The following PIN4 variants were observed in gnomAD, a reference collection of about 807,000 sequenced individuals.
PIN4 encodes the protein peptidylprolyl cis/trans isomerase, NIMA-interacting 4.
A neutral mutation model predicts 8.3 loss-of-function variants in PIN4; 3 were observed. The observed-to-expected ratio is 0.36, with a 90% confidence interval of 0.16 to 0.93. PIN4 has a LOEUF of 0.93. Among genes scored for constraint, PIN4 ranks in the 40% least tolerant of loss-of-function variants. The pLI is 0.44. For missense variants in PIN4, 75 were observed against 100.6 expected (o/e 0.75, Z 1.09); for synonymous variants, 18 against 32.5 (o/e 0.55, Z 1.52).
intron 3 of PIN4, among the ~76,000 whole-genome samples, chrX:72,236,659 C>G (rs1444784602): frequency 8.9e-6 from 1 of 112,046 alleles, no homozygotes; most frequent in Non-Finnish European, 1.9e-5. Flanking sequence ...TTTATATGTA[C>G]AGTAAGTCCT....
At chrX:72,225,226 C>T (rs1305668407) in intron 3 of PIN4, among the ~76,000 whole-genome samples, 2 of 111,915 alleles carry the variant, frequency 1.8e-5, no homozygotes, top group African/African-American at 6.5e-5. Flanking sequence ...TAGACCGACC[C>T]TGACATAGGC....
At chrX:72,217,881 T>C (rs1188777926) in intron 3 of PIN4, among the ~76,000 whole-genome samples, 2 of 112,164 alleles carry the variant, frequency 1.8e-5, no homozygotes, top group African/African-American at 6.5e-5. Flanking sequence ...CTTATGCAAG[T>C]ACCACACTGT....
chrX:72,206,513 G>C, intron 3 of PIN4: 3 of 1,211,392 alleles, frequency 2.5e-6, no homozygotes, highest in Non-Finnish European at 3.4e-6. Context: ...GAAGGCTGAG[G>C]CTGTGGTTTA....
intron 3 of PIN4, among the ~76,000 whole-genome samples, chrX:72,241,805 G>A (rs1422304564): frequency 1.1e-5 from 1 of 91,275 alleles, no homozygotes; most frequent in African/African-American, 4.8e-5. Context: ...CAACAAGAGC[G>A]AAACTCCGTC....
At chrX:72,207,819 G>A (rs2042829296) in intron 3 of PIN4, 1 of 1,205,793 alleles carries the variant, frequency 8.3e-7, no homozygotes, top group African/African-American at 1.8e-5. Context: ...TTGCCATTAA[G>A]TTTTCAGATA....
At chrX:72,209,931 C>T (rs2042842916) in intron 3 of PIN4, among the ~76,000 whole-genome samples, 1 of 110,692 alleles carries the variant, frequency 9.0e-6, no homozygotes, top group Non-Finnish European at 1.9e-5. Flanking sequence ...CAAAAATTAA[C>T]TCAAAATGGA....
At chrX:72,216,716 T>A (rs1164588177) in intron 3 of PIN4, among the ~76,000 whole-genome samples, 1 of 111,356 alleles carries the variant, frequency 9.0e-6, no homozygotes, top group Non-Finnish European at 1.9e-5. Context: ...GGCTAGAAGA[T>A]TAAGGAGCTG....
intron 3 of PIN4, among the ~76,000 whole-genome samples, chrX:72,228,560 A>T (rs2042966081): frequency 9.0e-6 from 1 of 110,890 alleles, no homozygotes; most frequent in African/African-American, 3.3e-5. Flanking sequence ...CACCTAAACC[A>T]CTTATGTCTC....
chrX:72,220,060 T>C (rs1602444755), intron 3 of PIN4, among the ~76,000 whole-genome samples: 1 of 110,779 alleles, frequency 9.0e-6, no homozygotes, highest in East Asian at 2.8e-4. Context: ...GTTGAGTGTT[T>C]TTGTATCACG....
chrX:72,210,146 G>A (rs1021780729), intron 3 of PIN4, among the ~76,000 whole-genome samples: 18 of 107,980 alleles, frequency 1.7e-4, no homozygotes, highest in African/African-American at 4.7e-4. Flanking sequence ...CAGGAGGATC[G>A]CTTGAGGTCA....
At chrX:72,195,227 T>G (rs1324450664) in intron 2 of PIN4, among the ~76,000 whole-genome samples, 1 of 112,616 alleles carries the variant, frequency 8.9e-6, no homozygotes, top group Non-Finnish European at 1.9e-5. Context: ...CATGGCTTTA[T>G]GTAAACATAG....
intron 3 of PIN4, among the ~76,000 whole-genome samples, chrX:72,222,268 C>T (rs941903): frequency 0.11 from 11,739 of 111,598 alleles, 792 homozygotes; most frequent in East Asian, 0.48. Flanking sequence ...AATTCCTGCA[C>T]GTAACCCAAT....
intron 3 of PIN4, among the ~76,000 whole-genome samples, chrX:72,242,264 C>T (rs932288916): frequency 8.9e-6 from 1 of 112,530 alleles, no homozygotes; most frequent in African/African-American, 3.2e-5. Flanking sequence ...GACCAACACT[C>T]GGCTTGCCTG....
chrX:72,214,339 C>T (rs975854724), intron 3 of PIN4, among the ~76,000 whole-genome samples: 1 of 112,333 alleles, frequency 8.9e-6, no homozygotes, highest in African/African-American at 3.2e-5. Context: ...CCCTGCTTAG[C>T]GCCATTTATA....
intron 3 of PIN4, among the ~76,000 whole-genome samples, chrX:72,257,040 G>A (rs2043114093): frequency 8.9e-6 from 1 of 112,423 alleles, no homozygotes; most frequent in Admixed American, 9.4e-5. Context: ...TGACATGATA[G>A]CTGGGTGTTG....
In PIN4 at chrX:72,262,869, A is replaced by G. The variant is rs982093323; in HGVS notation, c.*73A>G. On this transcript the variant is annotated 3_prime_UTR_variant, in exon 4 of 4. Coordinates refer to the PIN4 transcript ENST00000423432. ...CTATTAGTTCCAATTTCAGAAGGTG[A>G]CATTTTCTGACTTTGTCCCCTTAAG... 1.4e-5 allele frequency: 8 copies of G among 587,585 alleles called. No individual in the cohort carries two copies. The African/African-American group carries it at 1.8e-4, about 13-fold the overall frequency. 48.4% of individuals were successfully genotyped at this position (587,585 alleles called of 1,213,427 possible).
At chrX:72,208,957 A>AT (rs777600114) in intron 3 of PIN4, among the ~76,000 whole-genome samples, 3 of 108,686 alleles carry the variant, frequency 2.8e-5, no homozygotes, top group East Asian at 2.8e-4. Flanking sequence ...GTTCCACAGT[A>AT]TTTTTTTTTT....
intron 1 of PIN4, among the ~76,000 whole-genome samples, chrX:72,184,558 C>T (rs79635048): frequency 0.055 from 6,066 of 110,664 alleles, 201 homozygotes; most frequent in Admixed American, 0.096. Flanking sequence ...ATGCCAGAGT[C>T]GTCAGGAAAT....
chrX:72,242,125 T>G (rs367901104), intron 3 of PIN4, among the ~76,000 whole-genome samples: 3 of 111,438 alleles, frequency 2.7e-5, no homozygotes, highest in East Asian at 2.8e-4. Context: ...CCCTGGTGGT[T>G]GTTGTAGGCA....
Sources: gnomAD v4.1 joint callset for allele counts (sites outside exome capture counted in the v4.1 genomes callset) on GRCh38, gnomAD v4.1.1 for gene constraint, MANE v1.5 for transcripts, NCBI Gene and HGNC (gene_info 2026-07-23, HGNC 2026-07-21) for gene names.